CPNE4: variants seen among roughly 807,000 people sequenced by gnomAD.
CPNE4 encodes the protein copine-4.
In CPNE4, 25 loss-of-function variants were observed where a neutral mutation model predicts 67.9. That is an observed-to-expected ratio of 0.37 (90% confidence interval 0.27 to 0.51). CPNE4 has a LOEUF of 0.51. CPNE4 is among the 20% of genes least tolerant of loss of function. The pLI is 0.93. For synonymous variants in CPNE4, 242 were observed against 244.9 expected, an observed-to-expected ratio of 0.99 and a Z score of 0.11; for missense variants, 464 against 690.8, an observed-to-expected ratio of 0.67 and a Z score of 3.68.
At chr3:131,786,163 G>C (rs1240001065) in intron 2 of CPNE4, among the ~76,000 whole-genome samples, 1 of 151,916 alleles carries the variant, frequency 6.6e-6, no homozygotes, top group African/African-American at 2.4e-5. Flanking sequence ...AATAGCTTCT[G>C]CCCAGAAATC....
intron 14 of CPNE4, among the ~76,000 whole-genome samples, chr3:131,546,821 G>A (rs1248978358): frequency 6.6e-6 from 1 of 152,154 alleles, no homozygotes; most frequent in African/African-American, 2.4e-5. Flanking sequence ...GGAGCCCTTA[G>A]GGATGCCTTG....
At chr3:131,863,587 T>C (rs1468672252) in intron 2 of CPNE4, among the ~76,000 whole-genome samples, 1 of 152,232 alleles carries the variant, frequency 6.6e-6, no homozygotes, top group African/African-American at 2.4e-5. Flanking sequence ...CTGAGTTCAT[T>C]GTAGATTCTG....
At chr3:131,579,197 A>G (rs895643347) in intron 9 of CPNE4, among the ~76,000 whole-genome samples, 2 of 152,204 alleles carry the variant, frequency 1.3e-5, no homozygotes, top group Non-Finnish European at 2.9e-5. Flanking sequence ...CAATTATGCT[A>G]TATCTACTCT....
intron 3 of CPNE4, among the ~76,000 whole-genome samples, chr3:131,702,194 T>A (rs79367008): frequency 0.12 from 18,727 of 152,096 alleles, 1,234 homozygotes; most frequent in African/African-American, 0.16. Flanking sequence ...CATGATCATG[T>A]TTGTGATGAT....
At chr3:131,801,380 T>TATGGTAC (rs1305091174) in intron 2 of CPNE4, among the ~76,000 whole-genome samples, 1,336 of 103,234 alleles carry the variant, frequency 0.013, 33 homozygotes, top group African/African-American at 0.047. Context: ...ACCATATATA[T>TATGGTAC]ATATATGGTA....
intron 7 of CPNE4, among the ~76,000 whole-genome samples, chr3:131,629,852 C>T (rs1203297531): frequency 6.6e-6 from 1 of 152,112 alleles, no homozygotes; most frequent in Non-Finnish European, 1.5e-5. Context: ...AAACCCACAA[C>T]ATCTCTGAAG....
At chr3:131,568,909 C>T (rs1040335374) in intron 10 of CPNE4, among the ~76,000 whole-genome samples, 1 of 152,008 alleles carries the variant, frequency 6.6e-6, no homozygotes, top group Non-Finnish European at 1.5e-5. Context: ...TGCAGTCTAC[C>T]TTTGGGACCA....
intron 2 of CPNE4, among the ~76,000 whole-genome samples, chr3:131,893,745 T>C (rs1326201490): frequency 2.0e-5 from 3 of 151,808 alleles, no homozygotes; most frequent in Admixed American, 1.3e-4. Flanking sequence ...AAAAAGGAAA[T>C]TAAAATTTTT....
chr3:131,672,722 A>G lies in CPNE4; in HGVS notation c.592-2958T>C, dbSNP rs185462379. Among the ~76,000 whole-genome samples the G allele has an allele frequency of 7.5e-4, 114 of 151,994 alleles. 1 individual carries two copies. In the East Asian group the frequency reaches 0.012, roughly 17 times the overall value. ...TCATAGAGTTGTTTGAGCTCCTTAT[A>G]TCTTTTGGTTATTAACCCCCTGTCA... is the stretch of plus-strand genomic sequence containing the variant. On this transcript the variant is annotated intron_variant, in intron 6 of 15. Transcript: ENST00000429747.
At chr3:131,558,998 C>G (rs1328456708) in intron 11 of CPNE4, among the ~76,000 whole-genome samples, 1 of 151,904 alleles carries the variant, frequency 6.6e-6, no homozygotes, top group Non-Finnish European at 1.5e-5. Flanking sequence ...TCTCTTTTAC[C>G]TATTCTGAAT....
At chr3:131,713,211 G>C (rs1011653762) in intron 3 of CPNE4, among the ~76,000 whole-genome samples, 1 of 152,092 alleles carries the variant, frequency 6.6e-6, no homozygotes, top group Non-Finnish European at 1.5e-5. Flanking sequence ...CCAATATTGA[G>C]CTTGTAGAAG....
intron 7 of CPNE4, among the ~76,000 whole-genome samples, chr3:131,660,433 G>A (rs111911988): frequency 6.6e-6 from 1 of 152,228 alleles, no homozygotes; most frequent in Non-Finnish European, 1.5e-5. Context: ...GAAGAAAAGG[G>A]GATGGGATAC....
intron 7 of CPNE4, among the ~76,000 whole-genome samples, chr3:131,638,535 C>T (rs1056938460): frequency 1.3e-5 from 2 of 152,106 alleles, no homozygotes; most frequent in African/African-American, 4.8e-5. Context: ...ATTACTCATA[C>T]TAGACCTAAG....
intron 2 of CPNE4, among the ~76,000 whole-genome samples, chr3:131,739,902 C>T (rs1006895518): frequency 6.6e-6 from 1 of 152,170 alleles, no homozygotes; most frequent in Non-Finnish European, 1.5e-5. Flanking sequence ...TTTGCTCCCC[C>T]AACCCCATCA....
At chr3:131,960,510 T>C (rs541627371) in intron 1 of CPNE4, among the ~76,000 whole-genome samples, 93 of 152,298 alleles carry the variant, frequency 6.1e-4, no homozygotes, top group African/African-American at 2.1e-3. Flanking sequence ...TGCTTCCCCA[T>C]AGTTGTTTGC....
intron 8 of CPNE4, among the ~76,000 whole-genome samples, chr3:131,586,726 A>ATCTATCTATCTGTCTG (rs1333232108): frequency 7.7e-5 from 10 of 129,694 alleles, no homozygotes; most frequent in African/African-American, 3.7e-4. Flanking sequence ...TTCTATCTCT[A>ATCTATCTATCTGTCTG]TCTGTCTGTC....
At chr3:131,727,321 G>A (rs534359894) in intron 2 of CPNE4, among the ~76,000 whole-genome samples, 44 of 152,102 alleles carry the variant, frequency 2.9e-4, no homozygotes, top group South Asian at 2.1e-3. Flanking sequence ...ACGGCCAGGC[G>A]CAGTGGCTCA....
At chr3:131,922,280 C>A (rs910080191) in intron 1 of CPNE4, among the ~76,000 whole-genome samples, 1 of 152,124 alleles carries the variant, frequency 6.6e-6, no homozygotes, top group African/African-American at 2.4e-5. Flanking sequence ...GTGTAGTATT[C>A]CATGGTGTAT....
At chr3:131,675,920 GT>G (rs1415334983) in intron 6 of CPNE4, among the ~76,000 whole-genome samples, 1 of 149,918 alleles carries the variant, frequency 6.7e-6, no homozygotes. Context: ...TATAGTGAAG[GT>G]AATTTTTCTC....
Sources: gnomAD v4.1 joint callset for allele counts (sites outside exome capture counted in the v4.1 genomes callset) on GRCh38, gnomAD v4.1.1 for gene constraint, MANE v1.5 for transcripts, NCBI Gene and HGNC (gene_info 2026-07-23, HGNC 2026-07-21) for gene names.